The following SUMF1 variants were observed in gnomAD, a reference collection of about 807,000 sequenced individuals.
SUMF1 encodes the protein formylglycine-generating enzyme.
In SUMF1, 48 loss-of-function variants were observed where a neutral mutation model predicts 47.6. The ratio of observed to expected loss-of-function variants is 1.01; its 90% CI spans 0.80 to 1.28. The LOEUF (loss-of-function observed/expected upper bound fraction) is 1.28, where lower values mean the gene tolerates loss of function less well. Ranked by LOEUF, SUMF1 falls within the 50% of genes most tolerant of loss-of-function variation. The pLI is 0.00. For synonymous variants in SUMF1, 230 were observed against 192.1 expected (o/e 1.20, Z -1.63); for missense variants, 571 against 485.4 (o/e 1.18, Z -1.66).
intron 8 of SUMF1, among the ~76,000 whole-genome samples, chr3:4,251,818 A>G (rs1696808642): frequency 6.6e-6 from 1 of 152,252 alleles, no homozygotes; most frequent in Admixed American, 6.5e-5. Flanking sequence ...CTACAATGGC[A>G]AAAAGATAAC....
chr3:4,399,589 G>C (rs1475804129), intron 7 of SUMF1, among the ~76,000 whole-genome samples: 1 of 152,152 alleles, frequency 6.6e-6, no homozygotes, highest in Non-Finnish European at 1.5e-5. Flanking sequence ...GACAGTGCGG[G>C]AACATTTAGG....
intron 8 of SUMF1, among the ~76,000 whole-genome samples, chr3:4,228,391 A>G (rs1405961601): frequency 6.6e-6 from 1 of 151,718 alleles, no homozygotes. Context: ...CCTAGATTAG[A>G]AAAAAAAGCA....
At chr3:4,215,659 C>CA (rs1280884540) in intron 8 of SUMF1, among the ~76,000 whole-genome samples, 1 of 152,136 alleles carries the variant, frequency 6.6e-6, no homozygotes, top group Non-Finnish European at 1.5e-5. Flanking sequence ...AGTCTCAGCC[C>CA]AAAATCTCCT....
chr3:4,065,262 C>G (rs1695350204), intron 9 of SUMF1, among the ~76,000 whole-genome samples: 1 of 152,064 alleles, frequency 6.6e-6, no homozygotes, highest in African/African-American at 2.4e-5. Context: ...AAGCAATTAC[C>G]TCTCCATCTG....
At chr3:4,383,136 T>C (rs1410358106) in intron 7 of SUMF1, among the ~76,000 whole-genome samples, 2 of 151,956 alleles carry the variant, frequency 1.3e-5, no homozygotes, top group Admixed American at 6.6e-5. Flanking sequence ...CCCAGCACTT[T>C]GGGAGGCCAA....
In SUMF1 at chr3:4,135,664, AG is replaced by A. The variant is rs771274663; in HGVS notation, c.1015-66920del. On this transcript the variant is annotated intron_variant and NMD_transcript_variant, in intron 8 of 12. Transcript: ENST00000448413. ...AGAAGGAAATAAAGGGCATTCAATT[AG>A]GAAATGAGGAAGTCAAATTGTCCCT... is the stretch of plus-strand genomic sequence containing the variant. Among the ~76,000 whole-genome samples the A allele has an allele frequency of 1.8e-3, 278 of 152,316 alleles. 3 individuals are homozygous for A. Among genetic ancestry groups the A allele is most frequent in the East Asian group, 3.7e-3 (19 of 5,178 alleles).
chr3:4,143,740 G>T (rs569795391), intron 8 of SUMF1, among the ~76,000 whole-genome samples: 1 of 152,026 alleles, frequency 6.6e-6, no homozygotes, highest in Non-Finnish European at 1.5e-5. Flanking sequence ...AGGTCATAAA[G>T]CTAAGTGAGA....
chr3:4,319,028 C>A (rs995749488), intron 8 of SUMF1, among the ~76,000 whole-genome samples: 1 of 152,196 alleles, frequency 6.6e-6, no homozygotes, highest in African/African-American at 2.4e-5. Context: ...CATCATTTGT[C>A]ATCAGGGAAT....
At chr3:4,452,461 A>C (rs913784606) in intron 2 of SUMF1, among the ~76,000 whole-genome samples, 25 of 152,238 alleles carry the variant, frequency 1.6e-4, no homozygotes, top group African/African-American at 5.1e-4. Context: ...GGAAAAAAAC[A>C]AACTGCAACT....
chr3:4,169,365 T>C lies in SUMF1; in HGVS notation c.1015-100620A>G, dbSNP rs541245687. ...AGAGTGGCTCCTCATCCAATATGAC[T>C]AGTATCTTTATAAAAAGGGGAAATT... is the stretch of plus-strand genomic sequence containing the variant. On this transcript the variant is annotated intron_variant and NMD_transcript_variant, in intron 8 of 12. Coordinates refer to the SUMF1 transcript ENST00000448413. Among the ~76,000 whole-genome samples the C allele has an allele frequency of 1.0e-3, 159 of 152,188 alleles. 1 individual carries two copies. The highest frequency in any genetic ancestry group is 6.1e-3 in the Admixed American group (93 of 15,282).
intron 8 of SUMF1, among the ~76,000 whole-genome samples, chr3:4,366,228 G>C (rs1699951853): frequency 1.3e-5 from 2 of 152,066 alleles, no homozygotes; most frequent in Admixed American, 6.5e-5. Flanking sequence ...TATCTTTGTG[G>C]TGTTCTCTGT....
intron 3 of SUMF1, among the ~76,000 whole-genome samples, chr3:4,437,607 T>G (rs1374931310): frequency 1.3e-5 from 2 of 152,208 alleles, no homozygotes; most frequent in Non-Finnish European, 2.9e-5. Flanking sequence ...ATATATTATT[T>G]ACAATGATAT....
At chr3:4,267,984 C>T (rs1474709312) in intron 8 of SUMF1, among the ~76,000 whole-genome samples, 1 of 128,620 alleles carries the variant, frequency 7.8e-6, no homozygotes, top group Non-Finnish European at 1.8e-5. Flanking sequence ...TTGGAACCAA[C>T]CCAAATGTCC....
At chr3:4,274,964 C>G (rs1185777947) in intron 8 of SUMF1, among the ~76,000 whole-genome samples, 3 of 152,114 alleles carry the variant, frequency 2.0e-5, no homozygotes, top group Non-Finnish European at 2.9e-5. Context: ...TCAAACAGGC[C>G]TGATGAAGCC....
intron 8 of SUMF1, among the ~76,000 whole-genome samples, chr3:4,301,955 G>A (rs1360944374): frequency 6.6e-6 from 1 of 152,184 alleles, no homozygotes; most frequent in Non-Finnish European, 1.5e-5. Flanking sequence ...AAAGAAAAAG[G>A]TCAAGGGCAG....
At chr3:4,187,467 TTAA>T (rs1574962362) in intron 8 of SUMF1, among the ~76,000 whole-genome samples, 2 of 152,342 alleles carry the variant, frequency 1.3e-5, no homozygotes, top group East Asian at 3.9e-4. Context: ...TGTGGGCTTC[TTAA>T]TGCCAGGGAC....
intron 8 of SUMF1, among the ~76,000 whole-genome samples, chr3:4,157,951 G>A (rs1288681838): frequency 2.7e-5 from 4 of 150,618 alleles, no homozygotes; most frequent in Non-Finnish European, 4.4e-5. Context: ...GTCTGGCAGC[G>A]CTGCCCAATA....
chr3:4,347,710 G>A (rs1327589662), intron 8 of SUMF1, among the ~76,000 whole-genome samples: 1 of 152,268 alleles, frequency 6.6e-6, no homozygotes, highest in East Asian at 1.9e-4. Flanking sequence ...AAGAAATAAA[G>A]GGTATTCAAT....
chr3:4,354,134 C>T (rs1046019108), intron 8 of SUMF1, among the ~76,000 whole-genome samples: 7 of 152,180 alleles, frequency 4.6e-5, no homozygotes, highest in Non-Finnish European at 1.0e-4. Flanking sequence ...GGATTACTGG[C>T]ATAAGCCACC....
Sources: gnomAD v4.1 joint callset for allele counts (sites outside exome capture counted in the v4.1 genomes callset) on GRCh38, gnomAD v4.1.1 for gene constraint, MANE v1.5 for transcripts, NCBI Gene and HGNC (gene_info 2026-07-23, HGNC 2026-07-21) for gene names.